CHRM3: variants seen among roughly 807,000 people sequenced by gnomAD.
CHRM3 encodes the protein muscarinic acetylcholine receptor M3.
A neutral mutation model predicts 41.8 loss-of-function variants in CHRM3; 11 were observed. The ratio of observed to expected loss-of-function variants is 0.26; its 90% confidence interval spans 0.17 to 0.44. The LOEUF (loss-of-function observed/expected upper bound fraction) is 0.44. CHRM3 is among the 20% of genes least tolerant of loss of function. CHRM3 has a pLI of 1.00. For missense variants in CHRM3, 571 were observed against 745.4 expected, an observed-to-expected ratio of 0.77 and a Z score of 2.72; for synonymous variants, 297 against 301.4, an observed-to-expected ratio of 0.99 and a Z score of 0.15.
intron 5 of CHRM3, among the ~76,000 whole-genome samples, chr1:239,695,071 C>T (rs1000878574): frequency 6.6e-6 from 1 of 152,178 alleles, no homozygotes; most frequent in African/African-American, 2.4e-5. Flanking sequence ...AATGCAGTGG[C>T]GCCATCTCAG....
intron 5 of CHRM3, among the ~76,000 whole-genome samples, chr1:239,787,586 C>T (rs1669008627): frequency 6.6e-6 from 1 of 152,064 alleles, no homozygotes; most frequent in Non-Finnish European, 1.5e-5. Context: ...GTCCTTGCGA[C>T]ATTAGGATAG....
intron 5 of CHRM3, among the ~76,000 whole-genome samples, chr1:239,709,269 G>C (rs2148194726): frequency 6.6e-6 from 1 of 152,224 alleles, no homozygotes; most frequent in Non-Finnish European, 1.5e-5. Context: ...TGTTTTCTGG[G>C]TTATTTTGTC....
At chr1:239,852,871 T>A (rs1410344530) in intron 6 of CHRM3, among the ~76,000 whole-genome samples, 1 of 152,164 alleles carries the variant, frequency 6.6e-6, no homozygotes, top group African/African-American at 2.4e-5. Context: ...GTGAACATTC[T>A]AATTTATGTA....
intron 1 of CHRM3, among the ~76,000 whole-genome samples, chr1:239,464,203 C>G (rs549025824): frequency 7.9e-5 from 12 of 151,592 alleles, no homozygotes; most frequent in African/African-American, 2.7e-4. Flanking sequence ...TCACTTGAAC[C>G]CAGGAAGCAG....
At chr1:239,887,575 T>C (rs910683691) in intron 6 of CHRM3, among the ~76,000 whole-genome samples, 19 of 152,222 alleles carry the variant, frequency 1.2e-4, no homozygotes, top group Non-Finnish European at 2.2e-4. Flanking sequence ...TTTGTTGGAA[T>C]AAGTTACACC....
intron 6 of CHRM3, among the ~76,000 whole-genome samples, chr1:239,872,330 A>G (rs2149326461): frequency 6.6e-6 from 1 of 152,346 alleles, no homozygotes; most frequent in Admixed American, 6.5e-5. Context: ...GAACTTTAAT[A>G]TCCCAGAGCT....
intron 5 of CHRM3, among the ~76,000 whole-genome samples, chr1:239,678,642 A>G (rs1571955315): frequency 6.6e-6 from 1 of 152,174 alleles, no homozygotes. Context: ...TAAGTGTAGT[A>G]TCTGTAGTCC....
intron 1 of CHRM3, among the ~76,000 whole-genome samples, chr1:239,463,296 A>G (rs763227864): frequency 5.3e-5 from 8 of 152,178 alleles, no homozygotes; most frequent in Non-Finnish European, 1.0e-4. Context: ...TCTAATTTTC[A>G]TGCATTTTCT....
rs146198121 is a variant in CHRM3 at position 239,817,925 on chromosome 1, G to A, written c.-146-9327G>A. 9.2e-5 allele frequency among the ~76,000 whole-genome samples: 14 copies of A among 152,276 alleles called. No individual in the cohort carries two copies. The East Asian group carries it at 2.7e-3, about 29-fold the overall frequency. ...TTCCTGAGCCTGTTTCTACATCTAT[G>A]AAATGGCGATAATAAAGCCTGCCTT... On this transcript the variant is annotated intron_variant, in intron 5 of 6. Transcript: ENST00000676153.
At chr1:239,483,177 A>G (rs1441350580) in intron 1 of CHRM3, among the ~76,000 whole-genome samples, 1 of 152,224 alleles carries the variant, frequency 6.6e-6, no homozygotes, top group African/African-American at 2.4e-5. Flanking sequence ...ATTACTTCAC[A>G]TTCTTTCTAC....
rs188289239 is a variant in CHRM3 at position 239,605,677 on chromosome 1, C to T, written c.-312-26547C>T. Among the ~76,000 whole-genome samples, 500 of 152,194 alleles carry T rather than the reference C, an allele frequency of 3.3e-3. 1 individual carries two copies. Among genetic ancestry groups the T allele is most frequent in the Non-Finnish European group, 5.9e-3 (398 of 68,024 alleles). On this transcript the variant is annotated intron_variant, in intron 3 of 6. Coordinates refer to ENST00000676153, the MANE Select transcript of CHRM3 (RefSeq NM_001375978.1). Reference sequence around the variant, plus strand: ...GATAATTCCAGTTTACAATGTATAACCATATCATTCATTTAAAGTTGGAAT... The same window carrying T: ...GATAATTCCAGTTTACAATGTATAATCATATCATTCATTTAAAGTTGGAAT...
At chr1:239,878,832 T>C (rs1266569415) in intron 6 of CHRM3, among the ~76,000 whole-genome samples, 2 of 152,070 alleles carry the variant, frequency 1.3e-5, no homozygotes, top group Non-Finnish European at 2.9e-5. Context: ...GGGTACATGC[T>C]GGTCACTCTG....
At chr1:239,411,137 AGAAG>A (rs1189972950) in intron 1 of CHRM3, among the ~76,000 whole-genome samples, 1 of 152,150 alleles carries the variant, frequency 6.6e-6, no homozygotes, top group African/African-American at 2.4e-5. Context: ...TTAGGTTTGA[AGAAG>A]GAAGGAAAGG....
intron 4 of CHRM3, among the ~76,000 whole-genome samples, chr1:239,635,949 A>G (rs1670417039): frequency 6.6e-6 from 1 of 152,170 alleles, no homozygotes; most frequent in Non-Finnish European, 1.5e-5. Context: ...AGATGGGAAG[A>G]AAAAGAAAAA....
chr1:239,495,958 C>G (rs1312338564), intron 2 of CHRM3, among the ~76,000 whole-genome samples: 4 of 152,024 alleles, frequency 2.6e-5, no homozygotes, highest in African/African-American at 9.7e-5. Context: ...AGAAAGCATA[C>G]CTACTATCAT....
At chr1:239,500,742 C>T (rs1467567281) in intron 2 of CHRM3, among the ~76,000 whole-genome samples, 1 of 150,902 alleles carries the variant, frequency 6.6e-6, no homozygotes, top group African/African-American at 2.4e-5. Context: ...AGTACACAGA[C>T]AACAAAAAGC....
Position 239,443,722 on chromosome 1 carries a change from G to A in CHRM3, c.-520-48987G>A, listed in dbSNP as rs373291312. Among the ~76,000 whole-genome samples the A allele has an allele frequency of 2.6e-5, 4 of 152,222 alleles. No individual in the cohort carries two copies. In the East Asian group the frequency reaches 5.8e-4, roughly 22 times the overall value. On this transcript the variant is annotated intron_variant, in intron 1 of 6. Transcript: ENST00000676153. ...TAGCATTAGTCGGTATAATATAAAC[G>A]CTTAGGAGAAGAAAATCTTAAGAGA...
intron 6 of CHRM3, among the ~76,000 whole-genome samples, chr1:239,900,629 G>T (rs1355443059): frequency 1.3e-5 from 2 of 152,042 alleles, no homozygotes; most frequent in East Asian, 3.9e-4. Context: ...AATAGATTGG[G>T]GAGCACCAGG....
intron 4 of CHRM3, among the ~76,000 whole-genome samples, chr1:239,640,623 AT>A (rs1671021114): frequency 6.7e-6 from 1 of 149,960 alleles, no homozygotes; most frequent in South Asian, 2.1e-4. Context: ...CCCCTTTATC[AT>A]TTTTTATTGT....
Sources: gnomAD v4.1 joint callset for allele counts (sites outside exome capture counted in the v4.1 genomes callset) on GRCh38, gnomAD v4.1.1 for gene constraint, MANE v1.5 for transcripts, NCBI Gene and HGNC (gene_info 2026-07-23, HGNC 2026-07-21) for gene names.